SP140: variants seen among roughly 807,000 people sequenced by gnomAD.
The protein encoded by SP140 is nuclear body protein SP140.
SP140 carries 81 observed loss-of-function variants against 125.0 expected under a neutral mutation model. The ratio of observed to expected loss-of-function variants is 0.65; its 90% CI spans 0.54 to 0.78. The LOEUF is 0.78. SP140 is among the 30% of genes least tolerant of loss of function. The pLI, the probability that SP140 is intolerant of heterozygous loss-of-function variation, is 0.00. For synonymous variants in SP140, 312 were observed against 354.0 expected (o/e 0.88, Z 1.33); for missense variants, 858 against 1,037.0 (o/e 0.83, Z 2.37).
intron 10 of SP140, among the ~76,000 whole-genome samples, chr2:230,251,743 C>T (rs558218476): frequency 6.6e-6 from 1 of 152,224 alleles, no homozygotes; most frequent in Non-Finnish European, 1.5e-5. Flanking sequence ...CAATACTCTT[C>T]ATTATGTTAT....
At chr2:230,295,270 A>G (rs992232844) in intron 21 of SP140, among the ~76,000 whole-genome samples, 1 of 152,260 alleles carries the variant, frequency 6.6e-6, no homozygotes, top group Non-Finnish European at 1.5e-5. Flanking sequence ...ATAGCTAGCC[A>G]CTAAGCTTCA....
At chr2:230,192,640 C>T in the SP140 span, among the ~76,000 whole-genome samples, 2 of 152,200 alleles carry the variant, frequency 1.3e-5, no homozygotes, top group South Asian at 2.1e-4. Context: ...AGAGAGGACA[C>T]AAATGGAAAA....
At chr2:230,267,475 G>T (rs1255162368) in intron 12 of SP140, among the ~76,000 whole-genome samples, 1 of 152,202 alleles carries the variant, frequency 6.6e-6, no homozygotes, top group Non-Finnish European at 1.5e-5. Context: ...ATTACTGGTT[G>T]AGATGTGGAA....
rs1479195094 is a variant in SP140 at position 230,209,958 on chromosome 2, C to A, written c.-322-3696C>A. 6.2e-7 allele frequency: 1 copy of A among 1,609,306 alleles called. No homozygotes were observed. The highest frequency in any genetic ancestry group is 8.5e-7 in the Non-Finnish European group (1 of 1,175,728). On this transcript the variant is annotated intron_variant, in intron 1 of 4. Transcript: ENST00000456542. ...TTCTTGTCTGAAGGTGTGCTGGACA[C>A]CTCCTGGGGCTCTTCTGGGTCATTT...
At chr2:230,236,369 T>C (rs2048015386) in intron 1 of SP140, among the ~76,000 whole-genome samples, 2 of 152,176 alleles carry the variant, frequency 1.3e-5, no homozygotes, top group Admixed American at 1.3e-4. Flanking sequence ...CTCAGCCAGA[T>C]TTTTATTTCT....
intron 22 of SP140, among the ~76,000 whole-genome samples, chr2:230,303,132 A>G (rs910940319): frequency 6.6e-6 from 1 of 152,216 alleles, no homozygotes; most frequent in Non-Finnish European, 1.5e-5. Flanking sequence ...GGTTATTTGA[A>G]AAGATAAACA....
intron 15 of SP140, among the ~76,000 whole-genome samples, chr2:230,271,399 C>T (rs892293002): frequency 6.6e-6 from 1 of 152,038 alleles, no homozygotes; most frequent in African/African-American, 2.4e-5. Context: ...CTAGTGAGGA[C>T]TGAGAAGGAA....
chr2:230,238,860 G>A (rs775194487), intron 3 of SP140: 1 of 1,552,976 alleles, frequency 6.4e-7, no homozygotes, highest in Non-Finnish European at 8.7e-7. Context: ...ACACTGAGGA[G>A]GAGCTGCATG....
At position 230,290,575 on chromosome 2, in the gene SP140, T is replaced by C. The variant is rs374974508; in HGVS notation, c.1825+11T>C. The C allele has an allele frequency of 3.6e-5, 58 of 1,596,354 alleles. 1 individual carries two copies. The East Asian group carries it at 4.9e-4, about 14-fold the overall frequency. On this transcript the variant is annotated intron_variant, in intron 19 of 26. Coordinates refer to ENST00000392045, the MANE Select transcript of SP140 (RefSeq NM_007237.5). ...AGAAATTGCAGCAAGGTAGGTTTTA[T>C]GGTCTTCTTTAATTTGCAGCTCCTA...
chr2:230,289,090 T>A (rs916179508), intron 18 of SP140, among the ~76,000 whole-genome samples: 1 of 152,240 alleles, frequency 6.6e-6, no homozygotes, highest in African/African-American at 2.4e-5. Context: ...ACCAACAGTG[T>A]TAAAGCTTAC....
chr2:230,310,104 C>A, intron 23 of SP140, 65 bp downstream of exon 23: 1 of 1,503,994 alleles, frequency 6.6e-7, no homozygotes, highest in Non-Finnish European at 9.2e-7. Context: ...CATGCGCACT[C>A]TCCAGCAGAG....
intron 1 of SP140, among the ~76,000 whole-genome samples, chr2:230,236,827 T>C (rs1361138320): frequency 2.6e-5 from 4 of 152,256 alleles, no homozygotes; most frequent in African/African-American, 9.6e-5. Context: ...AAGGTCTCTT[T>C]ATAATAGTTT....
At chr2:230,194,392 G>A in the SP140 span, among the ~76,000 whole-genome samples, 1 of 151,894 alleles carries the variant, frequency 6.6e-6, no homozygotes, top group Non-Finnish European at 1.5e-5. Context: ...TTGAGGCCAG[G>A]ATTTCAAGAC....
Position 230,294,271 on chromosome 2 carries a change from A to G in SP140, c.1969A>G (p.Asn657Asp). ...GGWPLRWLME[N>D]GFLPDPPRIR... ...ATACCTGAATCTTTTTGTCTTTCAG[A>G]ATGGATTTCTGCCTGATCCTCCAAG... The change falls in exon 21 of 27, where the codon AAT becomes GAT. Residue 657 changes from asparagine (N) to aspartate (D), a missense_variant and splice_region_variant. Coordinates refer to ENST00000392045, the MANE Select transcript of SP140 (RefSeq NM_007237.5). The G allele has an allele frequency of 6.2e-7, 1 of 1,613,248 alleles. No homozygotes were observed. Among genetic ancestry groups the G allele is most frequent in the Non-Finnish European group, 8.5e-7 (1 of 1,179,186 alleles).
At chr2:230,293,023 C>T (rs2057307797) in intron 20 of SP140, among the ~76,000 whole-genome samples, 1 of 152,162 alleles carries the variant, frequency 6.6e-6, no homozygotes, top group Non-Finnish European at 1.5e-5. Context: ...AGGAAAGGGT[C>T]ATTCTGACTA....
the SP140 span, among the ~76,000 whole-genome samples, chr2:230,196,093 A>G: frequency 6.6e-6 from 1 of 152,322 alleles, no homozygotes; most frequent in South Asian, 2.1e-4. Context: ...GGATGTAGGA[A>G]ATGAATACTC....
chr2:230,202,521 C>T, upstream of SP140: 1 of 1,557,772 alleles, frequency 6.4e-7, no homozygotes, highest in Non-Finnish European at 8.9e-7. Flanking sequence ...GTACCTGCTT[C>T]AGGAGAGACC....
At position 230,311,112 on chromosome 2, in the gene SP140, C is replaced by T. The variant is rs1459505142; in HGVS notation, c.2284-42C>T. The T allele has an allele frequency of 1.9e-6, 3 of 1,609,222 alleles. No homozygotes were observed. In the South Asian group the frequency reaches 3.3e-5, roughly 18 times the overall value. The stretch of plus-strand genomic sequence containing the variant: ...TGTGTCTCATGCATGTGGGCTCATT[C>T]TCTCCAAGCTGCTTTTCATTTACGG... On this transcript the variant is annotated intron_variant, in intron 24 of 26. Transcript: ENST00000392045.
Position 230,247,920 on chromosome 2 carries a change from A to C in SP140, c.747A>C (p.Leu249=). Residue 249 remains leucine, a synonymous_variant, in exon 8 of 27, where the codon CTA becomes CTC. Coordinates refer to ENST00000392045, the MANE Select transcript of SP140 (RefSeq NM_007237.5). Reference sequence around the variant, plus strand: ...GATGCCTTTTTTGATCCCTAGTTCTAGAAAGCAACGGGATGATAGATGCGG... The same window carrying C: ...GATGCCTTTTTTGATCCCTAGTTCTCGAAAGCAACGGGATGATAGATGCGG... ...PKLLPYDTEV[L]ESNGMIDAAR... is the part of the protein sequence containing the mutation. The C allele has an allele frequency of 6.2e-7, 1 of 1,613,046 alleles. No homozygotes were observed. The highest frequency in any genetic ancestry group is 1.1e-5 in the South Asian group (1 of 90,880).
Sources: gnomAD v4.1 joint callset for allele counts (sites outside exome capture counted in the v4.1 genomes callset) on GRCh38, gnomAD v4.1.1 for gene constraint, MANE v1.5 for transcripts, NCBI Gene and HGNC (gene_info 2026-07-23, HGNC 2026-07-21) for gene names.